Variants in CNTN5 observed in about 807,000 individuals in gnomAD.
CNTN5 encodes the protein contactin-5.
A neutral mutation model predicts 129.1 loss-of-function variants in CNTN5; 77 were observed. The ratio of observed to expected loss-of-function variants is 0.60; its 90% CI spans 0.50 to 0.72. The LOEUF (loss-of-function observed/expected upper bound fraction) is 0.72, where lower values mean the gene tolerates loss of function less well. CNTN5 is among the 30% of genes least tolerant of loss of function. The probability of loss-of-function intolerance (pLI) is 0.00; values close to 1 mark genes in which losing one functional copy is unlikely to be tolerated. For missense variants in CNTN5, 1,478 were observed against 1,328.8 expected, an observed-to-expected ratio of 1.11 and a Z score of -1.75; for synonymous variants, 509 against 465.6, an observed-to-expected ratio of 1.09 and a Z score of -1.20.
chr11:100,261,673 A>C (rs2138748866), intron 17 of CNTN5, among the ~76,000 whole-genome samples: 1 of 152,288 alleles, frequency 6.6e-6, no homozygotes, highest in South Asian at 2.1e-4. Context: ...TCTTTGACAA[A>C]CCTGACAAAA....
At chr11:99,371,701 T>C (rs1301022958) in intron 2 of CNTN5, among the ~76,000 whole-genome samples, 1 of 152,198 alleles carries the variant, frequency 6.6e-6, no homozygotes, top group Non-Finnish European at 1.5e-5. Context: ...TAGTTTCACC[T>C]TGAGTAATTT....
At chr11:99,142,770 C>T (rs1021603033) in intron 1 of CNTN5, among the ~76,000 whole-genome samples, 1 of 152,128 alleles carries the variant, frequency 6.6e-6, no homozygotes, top group African/African-American at 2.4e-5. Flanking sequence ...AGGCTAGAGT[C>T]CTGTCCCTGC....
At chr11:100,074,070 A>C in intron 12 of CNTN5, 74 bp from the exon 13 acceptor site, 2 of 1,376,226 alleles carry the variant, frequency 1.5e-6, no homozygotes, top group Non-Finnish European at 2.0e-6. Context: ...AAAAGTTACA[A>C]GATCTTCATG....
chr11:100,048,396 A>G (rs10791131), intron 9 of CNTN5, among the ~76,000 whole-genome samples: 94,404 of 151,818 alleles, frequency 0.62, 30,105 homozygotes, highest in East Asian at 0.94. Context: ...GGGACTTCTC[A>G]ACCTCTATAA....
chr11:99,217,156 G>C (rs1192477608), intron 1 of CNTN5, among the ~76,000 whole-genome samples: 1 of 151,948 alleles, frequency 6.6e-6, no homozygotes, highest in Non-Finnish European at 1.5e-5. Context: ...CTCCAGCCTG[G>C]GCAACAAAGC....
intron 2 of CNTN5, among the ~76,000 whole-genome samples, chr11:99,409,193 G>A (rs900602343): frequency 1.3e-5 from 2 of 152,160 alleles, no homozygotes; most frequent in Admixed American, 6.5e-5. Flanking sequence ...GGCCAGGCAC[G>A]ATGGCTCAGG....
At chr11:99,212,506 ACTT>A (rs1472778016) in intron 1 of CNTN5, among the ~76,000 whole-genome samples, 2 of 151,966 alleles carry the variant, frequency 1.3e-5, no homozygotes, top group African/African-American at 4.8e-5. Context: ...AAATGATTTC[ACTT>A]CTTATTATAT....
At chr11:99,492,236 G>T (rs542357623) in intron 2 of CNTN5, among the ~76,000 whole-genome samples, 52 of 152,258 alleles carry the variant, frequency 3.4e-4, no homozygotes, top group African/African-American at 1.2e-3. Flanking sequence ...TTCGTTAAAA[G>T]TCTCCTCTGT....
At chr11:100,038,897 A>C (rs776819703) in intron 9 of CNTN5, among the ~76,000 whole-genome samples, 1 of 152,132 alleles carries the variant, frequency 6.6e-6, no homozygotes, top group Non-Finnish European at 1.5e-5. Flanking sequence ...AATACAGCAC[A>C]CTGATGGGTC....
intron 13 of CNTN5, among the ~76,000 whole-genome samples, chr11:100,112,444 A>G (rs1346384600): frequency 2.0e-5 from 3 of 152,212 alleles, no homozygotes; most frequent in Non-Finnish European, 4.4e-5. Flanking sequence ...ATTTTAAAAC[A>G]TGAATTAATG....
At chr11:100,315,196 A>G (rs951288873) in intron 21 of CNTN5, among the ~76,000 whole-genome samples, 17 of 152,166 alleles carry the variant, frequency 1.1e-4, no homozygotes, top group African/African-American at 4.1e-4. Context: ...TTCCCCTGGT[A>G]GCATTTGTCA....
intron 2 of CNTN5, among the ~76,000 whole-genome samples, chr11:99,504,147 CT>C (rs1335155150): frequency 6.6e-6 from 1 of 152,104 alleles, no homozygotes; most frequent in Non-Finnish European, 1.5e-5. Flanking sequence ...AACAAACTGA[CT>C]TTTTTTAGAA....
chr11:99,940,737 A>G (rs1950416441), intron 7 of CNTN5, among the ~76,000 whole-genome samples: 1 of 152,114 alleles, frequency 6.6e-6, no homozygotes, highest in African/African-American at 2.4e-5. Flanking sequence ...CATAAAATCA[A>G]TGATGTGTGC....
chr11:99,896,079 C>T (rs1419495375), intron 6 of CNTN5, among the ~76,000 whole-genome samples: 3 of 152,106 alleles, frequency 2.0e-5, no homozygotes, highest in Admixed American at 1.3e-4. Flanking sequence ...GCTAACAGGC[C>T]CTTCACTATC....
intron 23 of CNTN5, among the ~76,000 whole-genome samples, chr11:100,344,626 G>A (rs937502654): frequency 6.6e-6 from 1 of 152,068 alleles, no homozygotes; most frequent in African/African-American, 2.4e-5. Flanking sequence ...CTTCAAAATA[G>A]CTAGATGAGA....
chr11:99,915,800 C>T (rs1031536490), intron 6 of CNTN5, among the ~76,000 whole-genome samples: 12 of 152,066 alleles, frequency 7.9e-5, no homozygotes, highest in Admixed American at 2.0e-4. Context: ...TACTCCCTAG[C>T]ATCTATACTG....
intron 2 of CNTN5, among the ~76,000 whole-genome samples, chr11:99,364,650 T>A (rs1447060353): frequency 1.3e-5 from 2 of 152,062 alleles, no homozygotes; most frequent in Non-Finnish European, 2.9e-5. Flanking sequence ...GTGAAAAAAT[T>A]GATTGAAAAT....
intron 3 of CNTN5, among the ~76,000 whole-genome samples, chr11:99,636,796 A>T (rs1951573174): frequency 6.8e-6 from 1 of 147,774 alleles, no homozygotes; most frequent in African/African-American, 2.5e-5. Context: ...GGGGGGATGG[A>T]CGAGATCAGG....
intron 2 of CNTN5, among the ~76,000 whole-genome samples, chr11:99,468,277 T>C (rs1260612612): frequency 6.6e-6 from 1 of 152,224 alleles, no homozygotes; most frequent in Non-Finnish European, 1.5e-5. Context: ...TAGACTCATG[T>C]AGGATCATCT....
Sources: allele counts gnomAD v4.1 joint callset (sites outside exome capture counted in the v4.1 genomes callset), GRCh38; gene constraint gnomAD v4.1.1; transcripts MANE v1.5; gene names NCBI Gene and HGNC (gene_info 2026-07-23, HGNC 2026-07-21).